The following OXR1 variants were observed in gnomAD, a reference collection of about 807,000 sequenced individuals.
OXR1 encodes the protein oxidation resistance protein 1.
A neutral mutation model predicts 104.6 loss-of-function variants in OXR1; 41 were observed. The ratio of observed to expected loss-of-function variants is 0.39; its 90% CI spans 0.31 to 0.51. The LOEUF is 0.51. OXR1 is among the 20% of genes least tolerant of loss of function. The pLI is 0.77. For missense variants in OXR1, 955 were observed against 1,031.9 expected, an observed-to-expected ratio of 0.93 and a Z score of 1.02; for synonymous variants, 348 against 348.4, an observed-to-expected ratio of 1.00 and a Z score of 0.01.
chr8:106,431,690 T>A (rs1819367073), intron 2 of OXR1, among the ~76,000 whole-genome samples: 1 of 152,208 alleles, frequency 6.6e-6, no homozygotes, highest in Non-Finnish European at 1.5e-5. Flanking sequence ...TATACTAGCA[T>A]CTGGCATGAT....
Position 106,501,905 on chromosome 8 carries a change from AG to A in OXR1, c.24-17037del, listed in dbSNP as rs1313560953. ...AGAAAGATTAACATAAACTGACTAA[AG>A]AAATGTTAACTGCCAGGAGATTAAG... On this transcript the variant is annotated intron_variant, in intron 2 of 16. Coordinates refer to ENST00000517566, the MANE Select transcript of OXR1 (RefSeq NM_001198533.2). Among the ~76,000 whole-genome samples the A allele has an allele frequency of 7.2e-5, 11 of 152,216 alleles. 1 individual carries two copies. The highest frequency in any genetic ancestry group is 1.5e-5 in the Non-Finnish European group (1 of 68,034).
At chr8:106,525,785 C>T (rs1230236161) in intron 3 of OXR1, among the ~76,000 whole-genome samples, 1 of 152,170 alleles carries the variant, frequency 6.6e-6, no homozygotes, top group Admixed American at 6.5e-5. Flanking sequence ...CTATTTGTCC[C>T]TTTTAATCTT....
intron 2 of OXR1, among the ~76,000 whole-genome samples, chr8:106,511,597 G>A (rs1464809372): frequency 6.6e-6 from 1 of 152,084 alleles, no homozygotes; most frequent in African/African-American, 2.4e-5. Flanking sequence ...AAATGAATAA[G>A]GCAAAGTGAG....
At chr8:106,692,227 G>T (rs574309927) in intron 6 of OXR1, among the ~76,000 whole-genome samples, 1 of 151,982 alleles carries the variant, frequency 6.6e-6, no homozygotes, top group South Asian at 2.1e-4. Context: ...TTTATCAACT[G>T]TAGCTCGAGA....
chr8:106,467,426 T>C (rs1821232239), intron 2 of OXR1, among the ~76,000 whole-genome samples: 1 of 151,900 alleles, frequency 6.6e-6, no homozygotes, highest in African/African-American at 2.4e-5. Context: ...AGCCTGTCAC[T>C]GCTTCATGGA....
At chr8:106,568,106 T>G (rs1817212937) in intron 3 of OXR1, among the ~76,000 whole-genome samples, 1 of 152,084 alleles carries the variant, frequency 6.6e-6, no homozygotes, top group Non-Finnish European at 1.5e-5. Context: ...TGTGACTTTG[T>G]TATATCTTGT....
At chr8:106,600,130 C>G (rs1819854590) in intron 3 of OXR1, among the ~76,000 whole-genome samples, 3 of 152,012 alleles carry the variant, frequency 2.0e-5, no homozygotes, top group African/African-American at 4.8e-5. Flanking sequence ...TTAGAGAGTC[C>G]AAGAGTAGCA....
intron 1 of OXR1, among the ~76,000 whole-genome samples, chr8:106,292,565 CATTGG>C (rs1274746608): frequency 6.6e-6 from 1 of 152,114 alleles, no homozygotes; most frequent in Non-Finnish European, 1.5e-5. Context: ...TTCAGGTATC[CATTGG>C]TGGGTCTTGG....
At chr8:106,648,597 T>C (rs957589983) in intron 3 of OXR1, among the ~76,000 whole-genome samples, 2 of 152,300 alleles carry the variant, frequency 1.3e-5, no homozygotes, top group South Asian at 2.1e-4. Flanking sequence ...CTTTAAGGAA[T>C]AGTGCTGCGG....
intron 3 of OXR1, among the ~76,000 whole-genome samples, chr8:106,540,301 T>G (rs918624648): frequency 1.3e-5 from 2 of 152,148 alleles, no homozygotes; most frequent in Admixed American, 1.3e-4. Context: ...CTAAAGCCCG[T>G]GGGTAAAAGT....
Position 106,283,851 on chromosome 8 carries a change from T to C in OXR1, c.-139+13484T>C, listed in dbSNP as rs2130002362. ...GAAACCTCACAATTATTTAGGAATTTCCTGAAGTTACTAAAATGCTCTTAC... is the reference window on the plus strand; with the variant it reads ...GAAACCTCACAATTATTTAGGAATTCCCTGAAGTTACTAAAATGCTCTTAC... On this transcript the variant is annotated intron_variant, in intron 1 of 16. Transcript: ENST00000517566. Among the ~76,000 whole-genome samples, 4 of 152,310 alleles carry C rather than the reference T, an allele frequency of 2.6e-5. No homozygotes were observed. The South Asian group carries it at 8.3e-4, about 32-fold the overall frequency.
At chr8:106,665,451 T>G (rs188121292) in intron 3 of OXR1, among the ~76,000 whole-genome samples, 139 of 152,312 alleles carry the variant, frequency 9.1e-4, no homozygotes, top group African/African-American at 3.1e-3. Context: ...CTGTAATATA[T>G]GTAAGAGAAC....
intron 2 of OXR1, among the ~76,000 whole-genome samples, chr8:106,377,588 T>A (rs1416275379): frequency 1.3e-5 from 2 of 152,170 alleles, no homozygotes; most frequent in African/African-American, 4.8e-5. Context: ...GCATAAGGAG[T>A]TCATGGGCAG....
intron 7 of OXR1, 141 bp downstream of exon 7, chr8:106,693,018 T>C (rs1401052016): frequency 1.9e-5 from 10 of 523,198 alleles, no homozygotes; most frequent in Middle Eastern, 5.4e-4. Flanking sequence ...TACTATTATT[T>C]TGGGTTAGTA....
chr8:106,412,557 G>A (rs1024491743), intron 2 of OXR1, among the ~76,000 whole-genome samples: 1 of 151,864 alleles, frequency 6.6e-6, no homozygotes, highest in East Asian at 1.9e-4. Context: ...ATTTATGTTG[G>A]CACAGAAAGT....
intron 1 of OXR1, among the ~76,000 whole-genome samples, chr8:106,339,492 C>CA (rs562959605): frequency 2.6e-4 from 2 of 7,584 alleles, no homozygotes; most frequent in Admixed American, 3.0e-3. Context: ...AGACTCCATC[C>CA]AAAAAAAAAA....
intron 2 of OXR1, among the ~76,000 whole-genome samples, chr8:106,489,265 C>T (rs961422187): frequency 9.2e-5 from 14 of 151,726 alleles, no homozygotes; most frequent in Admixed American, 2.6e-4. Context: ...GATTTTTGTA[C>T]ATTGATTTTG....
intron 1 of OXR1, among the ~76,000 whole-genome samples, chr8:106,275,474 C>T (rs1272716122): frequency 6.6e-6 from 1 of 152,204 alleles, no homozygotes; most frequent in Admixed American, 6.5e-5. Context: ...GCAGCAAAGG[C>T]TCTAACCACA....
intron 3 of OXR1, among the ~76,000 whole-genome samples, chr8:106,609,134 C>T (rs1428500149): frequency 2.6e-5 from 4 of 151,878 alleles, no homozygotes; most frequent in Non-Finnish European, 4.4e-5. Context: ...GGCAGTGGGA[C>T]GTGGTGGGTC....
Sources: gnomAD v4.1 joint callset for allele counts (sites outside exome capture counted in the v4.1 genomes callset) on GRCh38, gnomAD v4.1.1 for gene constraint, MANE v1.5 for transcripts, NCBI Gene and HGNC (gene_info 2026-07-23, HGNC 2026-07-21) for gene names.